Variants in LDLRAD4 observed in about 807,000 individuals in gnomAD.
LDLRAD4 encodes the protein low density lipoprotein receptor class A domain containing 4.
LDLRAD4 carries 5 observed loss-of-function variants against 17.0 expected under a neutral mutation model. That is an observed-to-expected ratio of 0.29 (90% CI 0.15 to 0.62). The LOEUF is 0.62. Ranked by LOEUF, LDLRAD4 falls within the 20% of genes least tolerant of loss-of-function variation. The probability of loss-of-function intolerance (pLI) is 0.84; values close to 1 mark genes in which losing one functional copy is unlikely to be tolerated. For synonymous variants in LDLRAD4, 168 were observed against 171.8 expected (o/e 0.98, Z 0.17); for missense variants, 340 against 424.7 (o/e 0.80, Z 1.75).
chr18:13,344,276 G>C (rs1454196475), intron 1 of LDLRAD4, among the ~76,000 whole-genome samples: 3 of 152,208 alleles, frequency 2.0e-5, no homozygotes, highest in Admixed American at 6.5e-5. Flanking sequence ...GTAAGGAAGA[G>C]ATCCAGTTTC....
intron 3 of LDLRAD4, among the ~76,000 whole-genome samples, chr18:13,587,725 A>G (rs7228163): frequency 0.36 from 54,731 of 152,008 alleles, 10,729 homozygotes; most frequent in Middle Eastern, 0.48. Flanking sequence ...CAGTGGGGCT[A>G]TTTTTCTCCA....
Position 13,499,389 on chromosome 18 carries a change from A to T in LDLRAD4, c.181+61005A>T, listed in dbSNP as rs542040200. Among the ~76,000 whole-genome samples the T allele has an allele frequency of 1.3e-4, 18 of 143,510 alleles. No homozygotes were observed. In the South Asian group the frequency reaches 4.1e-3, roughly 33 times the overall value. The allele number at this position is 143,510 out of a possible 152,430, so 94.1% of individuals were successfully genotyped here. Reference sequence around the variant, plus strand: ...TGGACACTGGAGAATCCTTCTCGCCACACACTTCCCACCATGGACACTGGA... The same window carrying T: ...TGGACACTGGAGAATCCTTCTCGCCTCACACTTCCCACCATGGACACTGGA... On this transcript the variant is annotated intron_variant, in intron 3 of 5. Coordinates refer to ENST00000359446, the Ensembl canonical transcript of LDLRAD4.
At chr18:13,359,076 C>G (rs970670514) in intron 1 of LDLRAD4, among the ~76,000 whole-genome samples, 5 of 152,144 alleles carry the variant, frequency 3.3e-5, no homozygotes, top group African/African-American at 1.2e-4. Flanking sequence ...TTCCTAGGAG[C>G]TTGGTGTTTT....
chr18:13,626,904 C>T (rs535765085), intron 4 of LDLRAD4, among the ~76,000 whole-genome samples: 1 of 152,390 alleles, frequency 6.6e-6, no homozygotes, highest in East Asian at 1.9e-4. Context: ...GCAGAAGCCA[C>T]AGAGTTAGCC....
intron 1 of LDLRAD4, among the ~76,000 whole-genome samples, chr18:13,265,484 G>A (rs772851227): frequency 1.3e-5 from 2 of 152,188 alleles, no homozygotes; most frequent in Non-Finnish European, 2.9e-5. Flanking sequence ...CAGCTGCCCA[G>A]GTGAGCCCTT....
rs146752315 is a variant in LDLRAD4 at position 13,552,136 on chromosome 18, C to T, written c.182-68981C>T. On this transcript the variant is annotated intron_variant, in intron 3 of 5. Transcript: ENST00000359446. ...CATTTCACATGAGATTTGGAGGAGA[C>T]AGACATCCAGACCATATCAGTAGTG... 5.7e-4 allele frequency among the ~76,000 whole-genome samples: 87 copies of T among 152,322 alleles called. 1 individual carries two copies. In the South Asian group the frequency reaches 9.1e-3, roughly 16 times the overall value.
chr18:13,316,004 G>T (rs1016820403), intron 1 of LDLRAD4, among the ~76,000 whole-genome samples: 3 of 152,114 alleles, frequency 2.0e-5, no homozygotes, highest in African/African-American at 4.8e-5. Flanking sequence ...CCACGGAGAT[G>T]TGGAGAAAAG....
chr18:13,423,716 G>A (rs2089684615), intron 2 of LDLRAD4: 1 of 152,612 alleles, frequency 6.6e-6, no homozygotes, highest in African/African-American at 2.4e-5. Flanking sequence ...AGAAAGCCCT[G>A]TTCACGTTTC....
chr18:13,462,957 G>A (rs4387657), intron 3 of LDLRAD4, among the ~76,000 whole-genome samples: 11 of 152,264 alleles, frequency 7.2e-5, no homozygotes, highest in Non-Finnish European at 1.6e-4. Context: ...GGCCTTTGCA[G>A]GGCTCTCTAG....
intron 1 of LDLRAD4, among the ~76,000 whole-genome samples, chr18:13,346,699 T>A (rs2082711654): frequency 6.6e-6 from 1 of 152,208 alleles, no homozygotes; most frequent in Non-Finnish European, 1.5e-5. Flanking sequence ...CCATTATTAT[T>A]GTGTGGGAGT....
At chr18:13,389,829 C>A (rs1330044615) in intron 2 of LDLRAD4, among the ~76,000 whole-genome samples, 2 of 152,142 alleles carry the variant, frequency 1.3e-5, no homozygotes, top group Non-Finnish European at 2.9e-5. Context: ...ACTCAGAATC[C>A]TGTGGTTCTG....
chr18:13,430,519 T>C (rs2090261964), intron 2 of LDLRAD4, among the ~76,000 whole-genome samples: 1 of 152,124 alleles, frequency 6.6e-6, no homozygotes, highest in Non-Finnish European at 1.5e-5. Flanking sequence ...AAAGTCTACC[T>C]ACCACGTTGT....
At position 13,367,200 on chromosome 18, in the gene LDLRAD4, C is replaced by T. The variant is rs1169753887; in HGVS notation, c.-382-20141C>T. Reference sequence around the variant, plus strand: ...TTTGCAATCCCCTCCAGCCCCACTCCGTTACAACCAGTGGAGGTGGAACTT... The same window carrying T: ...TTTGCAATCCCCTCCAGCCCCACTCTGTTACAACCAGTGGAGGTGGAACTT... On this transcript the variant is annotated intron_variant, in intron 1 of 5. Coordinates refer to ENST00000359446, the Ensembl canonical transcript of LDLRAD4. The surrounding 1 kb of genome is among the most constrained non-coding windows in gnomAD (Gnocchi z 4.1). Among the ~76,000 whole-genome samples, 6 of 152,166 alleles carry T rather than the reference C, an allele frequency of 3.9e-5. No homozygotes were observed. The highest frequency in any genetic ancestry group is 4.1e-4 in the South Asian group (2 of 4,832).
intron 1 of LDLRAD4, among the ~76,000 whole-genome samples, chr18:13,313,878 G>C (rs889655899): frequency 6.6e-6 from 1 of 152,160 alleles, no homozygotes; most frequent in African/African-American, 2.4e-5. Context: ...GGATTAAGGA[G>C]AGTAGTTTGT....
chr18:13,592,686 G>A (rs557336277), intron 3 of LDLRAD4, among the ~76,000 whole-genome samples: 2 of 152,302 alleles, frequency 1.3e-5, no homozygotes, highest in East Asian at 3.9e-4. Flanking sequence ...TTTATCCAAG[G>A]AGGGATAATC....
chr18:13,557,632 C>A (rs2094497906), intron 3 of LDLRAD4, among the ~76,000 whole-genome samples: 1 of 152,198 alleles, frequency 6.6e-6, no homozygotes, highest in Non-Finnish European at 1.5e-5. Flanking sequence ...GATCTCCTGA[C>A]CTCATGATCT....
chr18:13,226,180 C>CTTTGTTTTTTTTTT (rs2041781922), intron 1 of LDLRAD4, among the ~76,000 whole-genome samples: 1 of 52,188 alleles, frequency 1.9e-5, no homozygotes, highest in Non-Finnish European at 3.3e-5. Flanking sequence ...CCATGCCTTG[C>CTTTGTTTTTTTTTT]TTTTTTTTTT....
intron 1 of LDLRAD4, among the ~76,000 whole-genome samples, chr18:13,233,128 C>T (rs2042164098): frequency 6.6e-6 from 1 of 152,274 alleles, no homozygotes; most frequent in African/African-American, 2.4e-5. Flanking sequence ...ACCAGTGGCG[C>T]CACCTCTTTG....
intron 3 of LDLRAD4, among the ~76,000 whole-genome samples, chr18:13,609,066 A>C (rs1032661230): frequency 2.6e-5 from 4 of 152,200 alleles, no homozygotes; most frequent in African/African-American, 9.7e-5. Context: ...CAGAGTACTT[A>C]CGTGAAAGAT....
Sources: allele counts gnomAD v4.1 joint callset (sites outside exome capture counted in the v4.1 genomes callset), GRCh38; gene constraint gnomAD v4.1.1; non-coding constraint Gnocchi (gnomAD v3.1); transcripts MANE v1.5; gene names NCBI Gene and HGNC (gene_info 2026-07-23, HGNC 2026-07-21).